Variants in GDAP2 observed in about 807,000 individuals in gnomAD.
GDAP2 encodes ganglioside induced differentiation associated protein 2, also known as ganglioside-induced differentiation-associated protein 2.
Under a neutral mutation model 67.0 loss-of-function variants are expected in GDAP2, and 51 were observed. The observed-to-expected ratio is 0.76, with a 90% CI of 0.61 to 0.96. GDAP2 has a LOEUF of 0.96. Ranked by LOEUF, GDAP2 falls within the 40% of genes least tolerant of loss-of-function variation. GDAP2 has a pLI of 0.00. For missense variants in GDAP2, 547 were observed against 588.3 expected, an observed-to-expected ratio of 0.93 and a Z score of 0.73; for synonymous variants, 203 against 207.3, an observed-to-expected ratio of 0.98 and a Z score of 0.18.
chr1:117,920,244 CTGAAA>C lies in GDAP2; in HGVS notation c.109_113del (p.Phe37GlyfsTer11). 1 of 1,609,722 alleles carries C rather than the reference CTGAAA, an allele frequency of 6.2e-7. No individual in the cohort carries two copies. Among genetic ancestry groups the C allele is most frequent in the Non-Finnish European group, 8.5e-7 (1 of 1,176,426 alleles). ...GAAAAGGTGATCGAACAGTGTCTTC[CTGAAA>C]TATTTCAGCTGTAGTATCAGAGGAA... is the stretch of plus-strand genomic sequence containing the variant. On this transcript the variant is annotated frameshift_variant, in exon 2 of 14. Transcript: ENST00000369443. LOFTEE classifies it high-confidence loss of function.
intron 5 of GDAP2, among the ~76,000 whole-genome samples, chr1:117,907,109 T>C (rs1193037188): frequency 6.6e-6 from 1 of 152,186 alleles, no homozygotes; most frequent in African/African-American, 2.4e-5. Flanking sequence ...AATTATTTTT[T>C]TCTTAATTTC....
At chr1:117,913,700 T>C (rs1649942871) in intron 3 of GDAP2, among the ~76,000 whole-genome samples, 1 of 152,154 alleles carries the variant, frequency 6.6e-6, no homozygotes, top group Admixed American at 6.5e-5. Context: ...AGTCCCATTC[T>C]GTCATATGCT....
At chr1:117,918,518 C>A in intron 3 of GDAP2, 79 bp downstream of exon 3, 1 of 1,052,890 alleles carries the variant, frequency 9.5e-7, no homozygotes, top group Non-Finnish European at 1.4e-6. Context: ...AATTTTCCCA[C>A]AAAACATGCC....
Position 117,893,230 on chromosome 1 carries a change from G to A in GDAP2, c.953+3603C>T, listed in dbSNP as rs193254987. Among the ~76,000 whole-genome samples, 540 of 152,286 alleles carry A rather than the reference G, an allele frequency of 3.5e-3. 3 individuals carry two copies. The highest frequency in any genetic ancestry group is 0.024 in the East Asian group (122 of 5,186). On this transcript the variant is annotated intron_variant, in intron 8 of 13. Transcript: ENST00000369443. ...ATAAAAAAGGAAAGGAAATCTTCCT[G>A]TAAAATAACTTGAAGAGTTTCAAAA... is the stretch of plus-strand genomic sequence containing the variant.
rs1032578523 is a variant in GDAP2 at position 117,869,909 on chromosome 1, C to G, written c.*660G>C. ...TACAGTCTTCTTGTTTCACCCCACACTGTTGAGATCGGAACTGTGGCAATC... is the reference window on the plus strand; with the variant it reads ...TACAGTCTTCTTGTTTCACCCCACAGTGTTGAGATCGGAACTGTGGCAATC... On this transcript the variant is annotated 3_prime_UTR_variant, in exon 14 of 14. Coordinates refer to ENST00000369443, the MANE Select transcript of GDAP2 (RefSeq NM_017686.4). 1 of 152,298 alleles carries G rather than the reference C, an allele frequency of 6.6e-6. No homozygotes were observed. The highest frequency in any genetic ancestry group is 6.5e-5 in the Admixed American group (1 of 15,288). 9.4% of individuals were successfully genotyped at this position (152,298 alleles called of 1,614,324 possible). A position where few individuals can be genotyped will look rare whatever the true frequency, so the allele number is the denominator to read the frequency against.
chr1:117,915,823 C>G (rs1557809056), intron 3 of GDAP2, among the ~76,000 whole-genome samples: 1 of 152,106 alleles, frequency 6.6e-6, no homozygotes, highest in Non-Finnish European at 1.5e-5. Flanking sequence ...TGCTTAGATA[C>G]TAACTGAATT....
intron 5 of GDAP2, among the ~76,000 whole-genome samples, chr1:117,907,885 G>A (rs1468417352): frequency 1.3e-5 from 2 of 152,056 alleles, no homozygotes; most frequent in Non-Finnish European, 2.9e-5. Context: ...TACAGGTTAA[G>A]ATTCAAAAAC....
chr1:117,923,706 G>A (rs1460507878), intron 1 of GDAP2, among the ~76,000 whole-genome samples: 14 of 152,294 alleles, frequency 9.2e-5, no homozygotes, highest in East Asian at 7.7e-4. Flanking sequence ...GAACTGTGCA[G>A]GCACCCAGAA....
chr1:117,911,865 T>G, intron 5 of GDAP2, 129 bp downstream of exon 5: 1 of 603,830 alleles, frequency 1.7e-6, no homozygotes, highest in East Asian at 2.9e-5. Context: ...AGCCTTAAAC[T>G]TCTGTCCTCA....
chr1:117,881,964 G>A, intron 11 of GDAP2, 87 bp from the exon 12 acceptor site: 1 of 734,850 alleles, frequency 1.4e-6, no homozygotes, highest in Non-Finnish European at 2.5e-6. Flanking sequence ...CTATTTGCCT[G>A]AGTATATAAA....
At chr1:117,918,841 G>A in intron 2 of GDAP2, 105 bp from the exon 3 acceptor site, 1 of 952,988 alleles carries the variant, frequency 1.0e-6, no homozygotes, top group Non-Finnish European at 1.6e-6. Flanking sequence ...CAAAATGTTG[G>A]TTTTGCTAGC....
chr1:117,895,347 C>A (rs1407172475), intron 8 of GDAP2, among the ~76,000 whole-genome samples: 2 of 152,034 alleles, frequency 1.3e-5, no homozygotes, highest in Non-Finnish European at 2.9e-5. Flanking sequence ...GCTGATAGGA[C>A]AATCTGGCTG....
intron 13 of GDAP2, among the ~76,000 whole-genome samples, chr1:117,873,143 G>A (rs1260596679): frequency 2.0e-5 from 3 of 152,182 alleles, no homozygotes; most frequent in African/African-American, 7.2e-5. Context: ...GCAAGAGACT[G>A]CTGAGCAATC....
At chr1:117,882,584 C>T (rs1201197626) in intron 11 of GDAP2, among the ~76,000 whole-genome samples, 3 of 152,066 alleles carry the variant, frequency 2.0e-5, no homozygotes, top group Non-Finnish European at 2.9e-5. Flanking sequence ...TTGGAAAGGA[C>T]GTCAGAGAAA....
chr1:117,908,221 A>T (rs930230769), intron 5 of GDAP2, among the ~76,000 whole-genome samples: 4 of 152,028 alleles, frequency 2.6e-5, no homozygotes, highest in Admixed American at 1.3e-4. Flanking sequence ...CTCACATTTT[A>T]TAGCTAGACT....
At chr1:117,877,507 A>G (rs554991686) in intron 13 of GDAP2, 86 of 973,908 alleles carry the variant, frequency 8.8e-5, no homozygotes, top group Non-Finnish European at 1.0e-4. Context: ...CAGATCCATA[A>G]ACGCATCTAT....
At chr1:117,882,232 T>C (rs929023028) in intron 11 of GDAP2, among the ~76,000 whole-genome samples, 1 of 152,152 alleles carries the variant, frequency 6.6e-6, no homozygotes, top group Non-Finnish European at 1.5e-5. Flanking sequence ...CTTAAAATTA[T>C]AGCAAAATTT....
At chr1:117,881,040 A>G (rs1648632445) in intron 12 of GDAP2, among the ~76,000 whole-genome samples, 1 of 152,174 alleles carries the variant, frequency 6.6e-6, no homozygotes, top group African/African-American at 2.4e-5. Context: ...AAAGATAAAG[A>G]GCTCCTTACT....
rs200380212 is a variant in GDAP2, at chr1:117,896,965, C to G, written c.821G>C (p.Gly274Ala). The stretch of plus-strand genomic sequence containing the variant: ...AATGAAAGAGAGATCAACTCCCAAG[C>G]CTTCATCCTCCTCTTCTTGGTTATC... ...PEDNQEEEDE[G>A]LGVDLSFIGS... is the part of the protein sequence containing the mutation. Residue 274 changes from glycine (G) to alanine (A), a missense_variant, in exon 8 of 14, where the codon GGC (glycine) becomes GCC (alanine). Physicochemically the swap from Gly to Ala is moderately conservative, Grantham distance 60 (BLOSUM62 0). Transcript: ENST00000369443. 31 of 1,607,372 alleles carry G rather than the reference C, an allele frequency of 1.9e-5. 1 individual carries two copies. In the East Asian group the frequency reaches 2.0e-4, roughly 10 times the overall value.
Sources: gnomAD v4.1 joint callset for allele counts (sites outside exome capture counted in the v4.1 genomes callset) on GRCh38, gnomAD v4.1.1 for gene constraint, MANE v1.5 for transcripts, NCBI Gene and HGNC (gene_info 2026-07-23, HGNC 2026-07-21) for gene names.